The following ANKRD36B variants were observed in gnomAD, a reference collection of about 807,000 sequenced individuals.
The protein encoded by ANKRD36B is ankyrin repeat domain 36B.
Under a neutral mutation model 135.7 loss-of-function variants are expected in ANKRD36B, and 37 were observed. That is an observed-to-expected ratio of 0.27 (90% CI 0.21 to 0.36). The LOEUF (loss-of-function observed/expected upper bound fraction) is 0.36, where lower values mean the gene tolerates loss of function less well. Among genes scored for constraint, ANKRD36B ranks in the 10% least tolerant of loss-of-function variants. The pLI, the probability that ANKRD36B is intolerant of heterozygous loss-of-function variation, is 1.00. For missense variants in ANKRD36B, 549 were observed against 1,037.1 expected, an observed-to-expected ratio of 0.53 and a Z score of 6.46; for synonymous variants, 179 against 348.1, an observed-to-expected ratio of 0.51 and a Z score of 5.41.
At chr2:97,568,582 A>G (rs2081610057) in intron 6 of ANKRD36B, among the ~76,000 whole-genome samples, 3 of 152,202 alleles carry the variant, frequency 2.0e-5, no homozygotes, top group African/African-American at 7.2e-5. Flanking sequence ...CTCCTTCAAA[A>G]AAACACAAAC....
chr2:97,530,747 A>G (rs2078533035), intron 35 of ANKRD36B, among the ~76,000 whole-genome samples: 1 of 97,778 alleles, frequency 1.0e-5, no homozygotes, highest in South Asian at 2.3e-4. Flanking sequence ...TGGGCAAAGG[A>G]TATCAACAGA....
At chr2:97,495,825 C>T (rs199768052) in intron 43 of ANKRD36B, among the ~76,000 whole-genome samples, 5 of 103,736 alleles carry the variant, frequency 4.8e-5, no homozygotes, top group Non-Finnish European at 8.4e-5. Context: ...AAGCTCCTTC[C>T]GGGAAGAATG....
At chr2:97,581,954 G>A (rs1445670102) in intron 3 of ANKRD36B, among the ~76,000 whole-genome samples, 4 of 150,880 alleles carry the variant, frequency 2.7e-5, no homozygotes, top group Admixed American at 6.6e-5. Flanking sequence ...GACTACAGGC[G>A]TGTGCCACCA....
rs530234589 is a variant in ANKRD36B, at chr2:97,547,886, G to C, written c.1478-155C>G. ...TGTGTCTGGGGACTAGAACATGACA[G>C]AAATACGCTGAGAAAAGGGAATACA... On this transcript the variant is annotated intron_variant, in intron 20 of 43. Transcript: ENST00000359901. 1.1e-3 allele frequency among the ~76,000 whole-genome samples: 171 copies of C among 151,934 alleles called. 1 individual carries two copies. The highest frequency in any genetic ancestry group is 2.1e-3 in the Non-Finnish European group (143 of 67,842).
chr2:97,494,098 G>A (rs2077275435), intron 43 of ANKRD36B, among the ~76,000 whole-genome samples: 1 of 106,700 alleles, frequency 9.4e-6, no homozygotes, highest in African/African-American at 2.6e-5. Context: ...AGCAAATTCT[G>A]CATTATCAGG....
Position 97,584,989 on chromosome 2 carries a change from T to C in ANKRD36B, c.405A>G (p.Ile135Met). The change falls in exon 3 of 44, where the codon ATA becomes ATG. Residue 135 changes from isoleucine to methionine, a missense_variant. Coordinates refer to ENST00000359901, the MANE Select transcript of ANKRD36B (RefSeq NM_001393939.1). ...TTGTACCATGTGAAAGAAGTTTTTC[T>C]ATCATGGATGTATCTTCATTATACA... Reference protein sequence around the residue: ...YAVYNEDTSMIEKLLSHGTNI... With the variant: ...YAVYNEDTSMMEKLLSHGTNI... 6.2e-7 allele frequency: 1 copy of C among 1,608,832 alleles called. No individual in the cohort carries two copies. Among genetic ancestry groups the C allele is most frequent in the East Asian group, 2.2e-5 (1 of 44,846 alleles).
chr2:97,531,913 A>G (rs1354235366), intron 35 of ANKRD36B, among the ~76,000 whole-genome samples: 2 of 96,540 alleles, frequency 2.1e-5, no homozygotes, highest in African/African-American at 6.2e-5. Context: ...CAATAAAAAA[A>G]CTGCAAAGTT....
intron 15 of ANKRD36B, 30 bp from the exon 16 acceptor site, chr2:97,553,270 T>A (rs774858361): frequency 6.3e-7 from 1 of 1,596,240 alleles, no homozygotes; most frequent in Non-Finnish European, 8.5e-7. Flanking sequence ...AAATAATAAA[T>A]AAATAAATAA....
intron 35 of ANKRD36B, among the ~76,000 whole-genome samples, chr2:97,526,813 C>G (rs550316127): frequency 3.1e-5 from 3 of 95,592 alleles, no homozygotes; most frequent in Admixed American, 1.9e-4. Context: ...AGTGATGGAA[C>G]ATGAAATGAA....
chr2:97,557,880 A>C (rs957388170), intron 10 of ANKRD36B, among the ~76,000 whole-genome samples: 37 of 151,816 alleles, frequency 2.4e-4, no homozygotes, highest in African/African-American at 8.2e-4. Flanking sequence ...TGCTACAAGC[A>C]TTAGATATGA....
intron 36 of ANKRD36B, among the ~76,000 whole-genome samples, chr2:97,519,521 A>C (rs2104360126): frequency 1.9e-5 from 1 of 52,104 alleles, no homozygotes; most frequent in Non-Finnish European, 5.9e-5. Flanking sequence ...ACAGCCATAC[A>C]GTGGAATATC....
intron 43 of ANKRD36B, chr2:97,504,805 A>AC (rs2077362900): frequency 2.5e-4 from 3 of 11,830 alleles, no homozygotes. Context: ...CATAAAAGAT[A>AC]AAAAATATTT....
At chr2:97,568,493 G>A (rs1009165507) in intron 6 of ANKRD36B, among the ~76,000 whole-genome samples, 28 of 152,090 alleles carry the variant, frequency 1.8e-4, no homozygotes, top group Admixed American at 2.6e-4. Context: ...GGAAGATTCT[G>A]GTAAGTTTGC....
At position 97,549,458 on chromosome 2, in the gene ANKRD36B, T is replaced by C; in HGVS notation, c.1438A>G (p.Ile480Val). 11 of 1,587,892 alleles carry C rather than the reference T, an allele frequency of 6.9e-6. No homozygotes were observed. The highest frequency in any genetic ancestry group is 8.6e-6 in the Non-Finnish European group (10 of 1,166,804). ...TSVKEDSVLN[I>V]AREKKDGEKS... ...TCTCCATCCTTTTTTTCTCTGGCTATATTCAAAACAGAATCTTCCTTGACA... is the reference window on the plus strand; with the variant it reads ...TCTCCATCCTTTTTTTCTCTGGCTACATTCAAAACAGAATCTTCCTTGACA... The change falls in exon 20 of 44, where the codon ATA becomes GTA. Residue 480 changes from isoleucine (I) to valine (V), a missense_variant. By Grantham distance (29) the Ile-to-Val change is conservative. Transcript: ENST00000359901.
intron 18 of ANKRD36B, 68 bp from the exon 19 acceptor site, chr2:97,549,682 A>C: frequency 6.2e-7 from 1 of 1,600,152 alleles, no homozygotes; most frequent in Non-Finnish European, 8.5e-7. Flanking sequence ...ACATTCATGC[A>C]GTGTTAGCAT....
At chr2:97,572,333 A>T (rs2081936226) in intron 6 of ANKRD36B, among the ~76,000 whole-genome samples, 2 of 148,784 alleles carry the variant, frequency 1.3e-5, no homozygotes, top group Admixed American at 1.3e-4. Context: ...AAGGTGTGGT[A>T]ATCCAACTGA....
chr2:97,550,671 G>C (rs11688548), intron 18 of ANKRD36B, among the ~76,000 whole-genome samples: 72,912 of 150,810 alleles, frequency 0.48, 21,137 homozygotes, highest in Non-Finnish European at 0.66. Context: ...GCCAATTCAA[G>C]CACTGTTTCC....
At chr2:97,560,214 G>A (rs1325130168) in intron 8 of ANKRD36B, among the ~76,000 whole-genome samples, 1 of 151,748 alleles carries the variant, frequency 6.6e-6, no homozygotes, top group Non-Finnish European at 1.5e-5. Flanking sequence ...TCTTCCTTGA[G>A]GAAAATAATT....
intron 35 of ANKRD36B, chr2:97,524,864 AAG>A (rs1324268459): frequency 1.0e-5 from 1 of 96,792 alleles, no homozygotes. Flanking sequence ...TGAATATATA[AAG>A]AGGTCCTTTC....
Sources: gnomAD v4.1 joint callset for allele counts (sites outside exome capture counted in the v4.1 genomes callset) on GRCh38, gnomAD v4.1.1 for gene constraint, MANE v1.5 for transcripts, NCBI Gene and HGNC (gene_info 2026-07-23, HGNC 2026-07-21) for gene names.